The following SCYL3 variants were observed in gnomAD, a reference collection of about 807,000 sequenced individuals.
SCYL3 encodes protein-associating with the carboxyl-terminal domain of ezrin.
In SCYL3, 35 loss-of-function variants were observed where a neutral mutation model predicts 73.8. The observed-to-expected ratio is 0.47, with a 90% CI of 0.36 to 0.63. SCYL3 has a LOEUF of 0.63. SCYL3 is among the 20% of genes least tolerant of loss of function. The pLI is 0.00. For missense variants in SCYL3, 712 were observed against 798.9 expected (o/e 0.89, Z 1.31); for synonymous variants, 277 against 295.2 (o/e 0.94, Z 0.63).
At chr1:169,882,915 T>G (rs1282387490) in intron 2 of SCYL3, among the ~76,000 whole-genome samples, 1 of 152,106 alleles carries the variant, frequency 6.6e-6, no homozygotes, top group Non-Finnish European at 1.5e-5. Flanking sequence ...GATAAGAGAA[T>G]AAAAGCAGGC....
At chr1:169,875,917 A>C (rs1660765799) in intron 4 of SCYL3, 61 bp downstream of exon 4, 1 of 1,070,260 alleles carries the variant, frequency 9.3e-7, no homozygotes, top group Non-Finnish European at 1.4e-6. Context: ...CCTAGGCAAG[A>C]ACCACATACC....
chr1:169,865,024 C>T (rs1659939493), intron 8 of SCYL3, among the ~76,000 whole-genome samples: 1 of 151,582 alleles, frequency 6.6e-6, no homozygotes, highest in South Asian at 2.1e-4. Flanking sequence ...GTCAGCACAC[C>T]TCCAATTCAC....
chr1:169,858,457 C>A (rs1186761835), intron 11 of SCYL3, among the ~76,000 whole-genome samples: 1 of 152,100 alleles, frequency 6.6e-6, no homozygotes, highest in African/African-American at 2.4e-5. Flanking sequence ...CCTGAAGGAC[C>A]CCTGGAGGCT....
rs1388960192 is a variant in SCYL3, at chr1:169,878,788, A to G, written c.197T>C (p.Leu66Pro). 1.2e-6 allele frequency: 2 copies of G among 1,613,180 alleles called. No individual in the cohort carries two copies. Among genetic ancestry groups the G allele is most frequent in the Non-Finnish European group, 1.7e-6 (2 of 1,179,796 alleles). The change falls in exon 3 of 13, where the codon CTA becomes CCA. Residue 66 changes from leucine (L) to proline (P), a missense_variant. Transcript: ENST00000367771. The stretch of plus-strand genomic sequence containing the variant: ...TTCCACAGTACAAGATAAAAATCTT[A>G]GCAAGCAAGGGTGACGAAGTGTCTT... Reference protein sequence around the residue: ...HLKTLRHPCLLRFLSCTVEAD... With the variant: ...HLKTLRHPCLPRFLSCTVEAD...
rs1571352807 is a variant in SCYL3, at chr1:169,851,015, A to C, written c.*2698T>G. The C allele has an allele frequency of 9.6e-5, 1 of 10,416 alleles. No individual in the cohort carries two copies. The highest frequency in any genetic ancestry group is 1.7e-4 in the Non-Finnish European group (1 of 6,012). 0.6% of individuals were successfully genotyped at this position (10,416 alleles called of 1,614,324 possible). A position where few individuals can be genotyped will look rare whatever the true frequency, so the allele number is the denominator to read the frequency against. ...TTTTTTTTTTTTTTTTTATTTGGGC[A>C]GCCTCCCAAGCCAGGGTAAGCTCAG... is the stretch of plus-strand genomic sequence containing the variant. On this transcript the variant is annotated 3_prime_UTR_variant, in exon 13 of 13. Coordinates refer to ENST00000367771, the MANE Select transcript of SCYL3 (RefSeq NM_020423.7).
chr1:169,871,714 A>G (rs1660417330), intron 5 of SCYL3, among the ~76,000 whole-genome samples: 1 of 152,188 alleles, frequency 6.6e-6, no homozygotes, highest in African/African-American at 2.4e-5. Flanking sequence ...TGATATGAAC[A>G]ATAAGGTCCA....
intron 2 of SCYL3, among the ~76,000 whole-genome samples, chr1:169,885,468 C>G (rs1031127669): frequency 6.6e-6 from 1 of 152,166 alleles, no homozygotes; most frequent in African/African-American, 2.4e-5. Flanking sequence ...GAGACAAAGC[C>G]ATAATTTCAC....
At chr1:169,887,575 T>C (rs927195233) in intron 2 of SCYL3, among the ~76,000 whole-genome samples, 6 of 152,202 alleles carry the variant, frequency 3.9e-5, no homozygotes, top group Admixed American at 2.6e-4. Context: ...ATTTTGTCTT[T>C]TGTAAAATCA....
intron 2 of SCYL3, among the ~76,000 whole-genome samples, chr1:169,879,190 G>A (rs865959219): frequency 2.0e-5 from 3 of 152,172 alleles, no homozygotes; most frequent in Non-Finnish European, 4.4e-5. Flanking sequence ...CTGAAGAAGC[G>A]ACACCCATGG....
intron 11 of SCYL3, among the ~76,000 whole-genome samples, 165 bp from the exon 12 acceptor site, chr1:169,855,129 G>A (rs1048810177): frequency 3.3e-5 from 5 of 152,108 alleles, no homozygotes; most frequent in Non-Finnish European, 7.4e-5. Context: ...CAAGATCAAC[G>A]ATGTCACATG....
In SCYL3 at chr1:169,853,316, T is replaced by TTGTATTTCATAATAGAGCTTACTCTTA. The variant is rs1658671234; in HGVS notation, c.*370_*396dup. 3.0e-6 allele frequency: 1 copy of TTGTATTTCATAATAGAGCTTACTCTTA among 337,986 alleles called. No homozygotes were observed. The highest frequency in any genetic ancestry group is 5.3e-5 in the South Asian group (1 of 18,944). The allele number at this position is 337,986 out of a possible 1,614,324, so 20.9% of individuals were successfully genotyped here. A position where few individuals can be genotyped will look rare whatever the true frequency, so the allele number is the denominator to read the frequency against. On this transcript the variant is annotated 3_prime_UTR_variant, in exon 13 of 13. Coordinates refer to ENST00000367771, the MANE Select transcript of SCYL3 (RefSeq NM_020423.7). ...AATTTATAGCTAAAATTTTTTAAAG[T>TTGTATTTCATAATAGAGCTTACTCTTA]TGTATTTCATAATAGAGCTTACTCT...
At chr1:169,857,629 G>C (rs1270739342) in intron 11 of SCYL3, among the ~76,000 whole-genome samples, 1 of 152,212 alleles carries the variant, frequency 6.6e-6, no homozygotes, top group Non-Finnish European at 1.5e-5. Flanking sequence ...CTTTCAAAGA[G>C]TAAGTTAGAC....
chr1:169,860,767 C>G (rs1022136296), intron 10 of SCYL3, among the ~76,000 whole-genome samples: 1 of 152,146 alleles, frequency 6.6e-6, no homozygotes, highest in Non-Finnish European at 1.5e-5. Context: ...GAGTACTACC[C>G]CTTCTGTGTC....
At chr1:169,867,467 T>A (rs189198559) in intron 7 of SCYL3, among the ~76,000 whole-genome samples, 1 of 152,296 alleles carries the variant, frequency 6.6e-6, no homozygotes, top group African/African-American at 2.4e-5. Context: ...AGAGGAGTGG[T>A]CGGTTTCCTA....
rs1490959885 is a variant in SCYL3 at position 169,878,767 on chromosome 1, A to C, written c.218T>G (p.Val73Gly). The change falls in exon 3 of 13, where the codon GTG becomes GGG. Residue 73 changes from valine to glycine, a missense_variant. Around this residue, in one of 2 missense-constraint regions of SCYL3, gnomAD observed 342 missense variants for 448.1 expected, o/e 0.76. Transcript: ENST00000367771. ...PCLLRFLSCTVEADGIHLVTE... is the reference protein window; with the variant it reads ...PCLLRFLSCTGEADGIHLVTE... ...GACAAGATGAATGCCATCCGCTTCC[A>C]CAGTACAAGATAAAAATCTTAGCAA... The C allele has an allele frequency of 6.2e-7, 1 of 1,614,144 alleles. No individual in the cohort carries two copies. Among genetic ancestry groups the C allele is most frequent in the East Asian group, 2.2e-5 (1 of 44,888 alleles).
chr1:169,869,006 G>A lies in SCYL3; in HGVS notation c.659C>T (p.Thr220Ile), dbSNP rs1354532364. Residue 220 changes from threonine (T) to isoleucine (I), a missense_variant, in exon 7 of 13, where the codon ACC (threonine) becomes ATC (isoleucine). Thr to Ile is a moderately conservative substitution (Grantham distance 89, BLOSUM62 -1). This residue lies in a region of SCYL3 where 342 missense variants were observed against 448.1 expected (regional missense o/e 0.76). Transcript: ENST00000367771. Reference sequence around the variant, plus strand: ...GGGATTCAGCAAAGTTGAGTGCAAGGTCTGTTGAAAGCTGGAGAGAACATC... The same window carrying A: ...GGGATTCAGCAAAGTTGAGTGCAAGATCTGTTGAAAGCTGGAGAGAACATC... Reference protein sequence around the residue: ...SADVLSSFQQTLHSTLLNPIP... With the variant: ...SADVLSSFQQILHSTLLNPIP... 1 of 1,614,006 alleles carries A rather than the reference G, an allele frequency of 6.2e-7. No individual in the cohort carries two copies. The highest frequency in any genetic ancestry group is 1.3e-5 in the African/African-American group (1 of 74,908).
At chr1:169,881,700 C>G (rs1661273388) in intron 2 of SCYL3, among the ~76,000 whole-genome samples, 1 of 152,172 alleles carries the variant, frequency 6.6e-6, no homozygotes. Context: ...GTGTGTCTTT[C>G]TGTGCCTCAT....
At chr1:169,887,703 C>G (rs945841614) in intron 2 of SCYL3, among the ~76,000 whole-genome samples, 2 of 152,148 alleles carry the variant, frequency 1.3e-5, no homozygotes, top group Non-Finnish European at 2.9e-5. Context: ...TTTACCACCA[C>G]GCATCTCGAG....
At chr1:169,857,061 T>C (rs1479592686) in intron 11 of SCYL3, among the ~76,000 whole-genome samples, 2 of 152,190 alleles carry the variant, frequency 1.3e-5, no homozygotes, top group East Asian at 3.9e-4. Context: ...AAAATTCTTG[T>C]AAGACCAGAA....
Sources: allele counts gnomAD v4.1 joint callset (sites outside exome capture counted in the v4.1 genomes callset), GRCh38; gene constraint gnomAD v4.1.1; regional missense constraint gnomAD v4.1.1; transcripts MANE v1.5; gene names NCBI Gene and HGNC (gene_info 2026-07-23, HGNC 2026-07-21).